The following LTBP1 variants were observed in gnomAD, a reference collection of about 807,000 sequenced individuals.
LTBP1 encodes latent transforming growth factor beta binding protein 1, also known as latent-transforming growth factor beta-binding protein 1.
LTBP1 carries 129 observed loss-of-function variants against 207.6 expected under a neutral mutation model. The observed-to-expected ratio is 0.62, with a 90% CI of 0.54 to 0.72. LTBP1 has a LOEUF of 0.72. Ranked by LOEUF, LTBP1 falls within the 30% of genes least tolerant of loss-of-function variation. LTBP1 has a pLI of 0.00. For missense variants in LTBP1, 2,281 were observed against 2,217.2 expected, an observed-to-expected ratio of 1.03 and a Z score of -0.58; for synonymous variants, 963 against 833.7, an observed-to-expected ratio of 1.16 and a Z score of -2.67.
In LTBP1 at chr2:32,952,785, G is replaced by A. The variant is rs530540715; in HGVS notation, c.565+3840G>A. On this transcript the variant is annotated intron_variant, in intron 2 of 33. Transcript: ENST00000404816. ...CAGCTTTAATGAGAAGACTGGACACGGGAATAGGCAATACAAAAGAATGAA... is the reference window on the plus strand; with the variant it reads ...CAGCTTTAATGAGAAGACTGGACACAGGAATAGGCAATACAAAAGAATGAA... Among the ~76,000 whole-genome samples the A allele has an allele frequency of 1.2e-4, 19 of 152,284 alleles. 1 individual carries two copies. In the South Asian group the frequency reaches 3.7e-3, roughly 30 times the overall value.
chr2:32,986,505 C>T (rs764476064), intron 2 of LTBP1, among the ~76,000 whole-genome samples: 4 of 152,144 alleles, frequency 2.6e-5, no homozygotes, highest in African/African-American at 7.2e-5. Context: ...ATGGTGATAC[C>T]GTGACCTGAA....
chr2:33,391,728 G>T lies in LTBP1; in HGVS notation c.4834+2422G>T, dbSNP rs1313923747. ...GAAGCCTCTATGGCATTATAGTTTG[G>T]ATTCCAGGAATTTTCATGTTGAAAT... is the stretch of plus-strand genomic sequence containing the variant. On this transcript the variant is annotated intron_variant, in intron 32 of 33. Transcript: ENST00000404816. Among the ~76,000 whole-genome samples the T allele has an allele frequency of 2.0e-5, 3 of 152,302 alleles. No homozygotes were observed. In the East Asian group the frequency reaches 5.8e-4, roughly 29 times the overall value.
intron 8 of LTBP1, among the ~76,000 whole-genome samples, chr2:33,220,435 G>A (rs1363718196): frequency 6.6e-6 from 1 of 152,034 alleles, no homozygotes; most frequent in Non-Finnish European, 1.5e-5. Flanking sequence ...ACCTTTCATT[G>A]TTGATCATTT....
chr2:33,387,372 A>C (rs1281725334), intron 31 of LTBP1, among the ~76,000 whole-genome samples: 1 of 152,250 alleles, frequency 6.6e-6, no homozygotes, highest in Non-Finnish European at 1.5e-5. Flanking sequence ...TCTCTGTTTG[A>C]AGTAGTTCTT....
chr2:33,206,507 G>A lies in LTBP1; in HGVS notation c.1702-11045G>A, dbSNP rs374781433. 7.6e-4 allele frequency among the ~76,000 whole-genome samples: 115 copies of A among 152,174 alleles called. 1 individual carries two copies. Among genetic ancestry groups the A allele is most frequent in the African/African-American group, 2.6e-3 (110 of 41,522 alleles). On this transcript the variant is annotated intron_variant, in intron 7 of 33. Coordinates refer to ENST00000404816, the MANE Select transcript of LTBP1 (RefSeq NM_206943.4). The stretch of plus-strand genomic sequence containing the variant: ...TGTAATCCCAGCACTTTGGGAGGCC[G>A]AGGCGGGCGGATCACGAGGTTAGGA...
intron 20 of LTBP1, among the ~76,000 whole-genome samples, chr2:33,299,178 G>C (rs543052705): frequency 1.6e-4 from 24 of 151,336 alleles, no homozygotes; most frequent in African/African-American, 5.1e-4. Flanking sequence ...GGAGACGGAG[G>C]TTGCAGTGAG....
chr2:33,103,063 T>G (rs996613674), intron 3 of LTBP1, among the ~76,000 whole-genome samples: 1 of 152,190 alleles, frequency 6.6e-6, no homozygotes, highest in African/African-American at 2.4e-5. Context: ...ATGCACTGTC[T>G]GTATGCATAA....
chr2:33,341,139 C>T (rs1195945402), intron 24 of LTBP1, among the ~76,000 whole-genome samples: 1 of 152,052 alleles, frequency 6.6e-6, no homozygotes, highest in Non-Finnish European at 1.5e-5. Context: ...GAGCAGAGTA[C>T]CAGGCGTGGC....
At position 33,067,422 on chromosome 2, in the gene LTBP1, A is replaced by G. The variant is rs74682865; in HGVS notation, c.864-43160A>G. Among the ~76,000 whole-genome samples, 530 of 152,356 alleles carry G rather than the reference A, an allele frequency of 3.5e-3. 2 individuals are homozygous for G. The highest frequency in any genetic ancestry group is 6.8e-3 in the Middle Eastern group (2 of 294). On this transcript the variant is annotated intron_variant, in intron 3 of 33. Coordinates refer to ENST00000404816, the MANE Select transcript of LTBP1 (RefSeq NM_206943.4). ...TTCTTATGCTGTCAAAAGTGAAAAT[A>G]AGAAATGAGATCTCTGTTTGCATAC... is the stretch of plus-strand genomic sequence containing the variant.
intron 2 of LTBP1, among the ~76,000 whole-genome samples, chr2:32,969,656 T>C (rs1680566327): frequency 6.6e-6 from 1 of 152,238 alleles, no homozygotes. Flanking sequence ...TACCACATTT[T>C]TTCCTATCTA....
intron 2 of LTBP1, among the ~76,000 whole-genome samples, chr2:33,000,393 C>T (rs1021529098): frequency 2.2e-5 from 3 of 135,534 alleles, no homozygotes; most frequent in African/African-American, 7.7e-5. Context: ...GCCCCACGCT[C>T]ATCCTGTGGA....
intron 24 of LTBP1, among the ~76,000 whole-genome samples, chr2:33,315,618 T>C (rs80197951): frequency 0.027 from 4,127 of 152,280 alleles, 191 homozygotes; most frequent in East Asian, 0.21. Flanking sequence ...TGATTGTGCT[T>C]CATGTAGATC....
intron 3 of LTBP1, among the ~76,000 whole-genome samples, chr2:33,029,287 C>A (rs969441163): frequency 6.6e-6 from 1 of 151,900 alleles, no homozygotes; most frequent in Non-Finnish European, 1.5e-5. Context: ...GAACAGCCTG[C>A]CCAACATGGT....
chr2:32,947,823 G>A lies in LTBP1; in HGVS notation c.494+5G>A, dbSNP rs1444404831. ...CCAGAAGCAGCAGCTGCAGGGGTAA[G>A]CCCACACCCCCTTCCGCCCGCCCGC... On this transcript the variant is annotated splice_donor_5th_base_variant and intron_variant, in intron 1 of 33. Transcript: ENST00000404816. 2 of 1,344,800 alleles carry A rather than the reference G, an allele frequency of 1.5e-6. No homozygotes were observed. Among genetic ancestry groups the A allele is most frequent in the African/African-American group, 1.5e-5 (1 of 66,044 alleles). The allele number at this position is 1,344,800 out of a possible 1,614,324, so 83.3% of individuals were successfully genotyped here. A position where few individuals can be genotyped will look rare whatever the true frequency, so the allele number is the denominator to read the frequency against.
At chr2:33,392,636 G>C (rs566444119) in intron 32 of LTBP1, among the ~76,000 whole-genome samples, 72 of 152,302 alleles carry the variant, frequency 4.7e-4, no homozygotes, top group African/African-American at 1.4e-3. Context: ...GGCCAGATTT[G>C]GACCAGAGAC....
At chr2:33,121,159 C>CTTTTTTTTTTTT (rs61065486) in intron 4 of LTBP1, among the ~76,000 whole-genome samples, 123 of 87,528 alleles carry the variant, frequency 1.4e-3, no homozygotes, top group African/African-American at 4.3e-3. Context: ...TTTGTAAAGT[C>CTTTTTTTTTTTT]TTTTTTTTTT....
chr2:33,311,942 C>G (rs1322224437), intron 23 of LTBP1, among the ~76,000 whole-genome samples: 1 of 152,158 alleles, frequency 6.6e-6, no homozygotes, highest in Non-Finnish European at 1.5e-5. Context: ...AAATGTAAAT[C>G]CAAATAAATG....
intron 5 of LTBP1, among the ~76,000 whole-genome samples, chr2:33,180,100 C>A (rs1241582057): frequency 6.6e-6 from 1 of 152,156 alleles, no homozygotes; most frequent in Non-Finnish European, 1.5e-5. Flanking sequence ...TGTATTCTTC[C>A]CCCTTTAGGT....
intron 13 of LTBP1, among the ~76,000 whole-genome samples, chr2:33,260,737 T>A (rs1027420933): frequency 6.6e-6 from 1 of 152,130 alleles, no homozygotes; most frequent in African/African-American, 2.4e-5. Flanking sequence ...TCACAGCGAG[T>A]AGTTTGCAAT....
Sources: allele counts gnomAD v4.1 joint callset (sites outside exome capture counted in the v4.1 genomes callset), GRCh38; gene constraint gnomAD v4.1.1; transcripts MANE v1.5; gene names NCBI Gene and HGNC (gene_info 2026-07-23, HGNC 2026-07-21).